FAM83E: variants seen among roughly 807,000 people sequenced by gnomAD.
FAM83E encodes protein FAM83E.
A neutral mutation model predicts 34.3 loss-of-function variants in FAM83E; 29 were observed. That is an observed-to-expected ratio of 0.85 (90% CI 0.63 to 1.15). The LOEUF (loss-of-function observed/expected upper bound fraction) is 1.15, where lower values mean the gene tolerates loss of function less well. Ranked by LOEUF, FAM83E falls within the 50% of genes most tolerant of loss-of-function variation. The probability of loss-of-function intolerance (pLI) is 0.00; values close to 1 mark genes in which losing one functional copy is unlikely to be tolerated. For missense variants in FAM83E, 697 were observed against 685.0 expected (o/e 1.02, Z -0.20); for synonymous variants, 312 against 311.6 (o/e 1.00, Z -0.01).
intron 5 of FAM83E, chr19:48,606,832 C>T (rs1973937561): frequency 2.1e-6 from 2 of 973,450 alleles, no homozygotes; most frequent in Non-Finnish European, 3.0e-6. Context: ...GAACAGAGGA[C>T]ACTCCAGGCG....
intron 5 of FAM83E, among the ~76,000 whole-genome samples, chr19:48,605,742 G>T (rs1362700299): frequency 6.6e-6 from 1 of 151,838 alleles, no homozygotes; most frequent in Non-Finnish European, 1.5e-5. Flanking sequence ...GTAGAGATGG[G>T]GTTTTACCAC....
At position 48,615,045 on chromosome 19, in the gene FAM83E, T is replaced by G. The variant is rs1233740721; in HGVS notation, c.-1496A>C. 6.6e-6 allele frequency among the ~76,000 whole-genome samples: 1 copy of G among 152,070 alleles called. No individual in the cohort carries two copies. The highest frequency in any genetic ancestry group is 1.5e-5 in the Non-Finnish European group (1 of 67,994). ...GGCAGTCTCTCCCTCCCCACAGCCC[T>G]GCCAGCCTGCACCCTGCACTTCCCG... On this transcript the variant is annotated 5_prime_UTR_variant, in exon 1 of 7. Coordinates refer to ENST00000263266, the MANE Select transcript of FAM83E (RefSeq NM_017708.4).
chr19:48,602,352 G>A (rs1212569642), intron 6 of FAM83E, among the ~76,000 whole-genome samples: 1 of 151,132 alleles, frequency 6.6e-6, no homozygotes, highest in African/African-American at 2.4e-5. Flanking sequence ...GAGGGATGCA[G>A]AGGAGGAAGC....
intron 5 of FAM83E, chr19:48,607,058 A>G: frequency 6.2e-7 from 1 of 1,612,958 alleles, no homozygotes; most frequent in Non-Finnish European, 8.5e-7. Context: ...GTCTTCTGTG[A>G]GCTCACCGAC....
At chr19:48,607,390 G>C (rs953098021) in intron 5 of FAM83E, 1 of 1,534,912 alleles carries the variant, frequency 6.5e-7, no homozygotes, top group Admixed American at 1.9e-5. Flanking sequence ...TGTTCTCCCA[G>C]ATCCGCCACT....
chr19:48,602,703 AAATATATATAT>A (rs1467571080), intron 6 of FAM83E, among the ~76,000 whole-genome samples: 2 of 44,842 alleles, frequency 4.5e-5, no homozygotes, highest in African/African-American at 1.2e-4. Context: ...AAAAAAAAAA[AAATATATATAT>A]ATATATATAT....
chr19:48,612,046 G>C (rs1275921444), intron 3 of FAM83E, among the ~76,000 whole-genome samples: 1 of 152,194 alleles, frequency 6.6e-6, no homozygotes, highest in African/African-American at 2.4e-5. Flanking sequence ...CAGCCAGACA[G>C]CCTGGGTTCA....
chr19:48,613,182 A>T lies in FAM83E; in HGVS notation c.191T>A (p.Val64Asp). 6.2e-7 allele frequency: 1 copy of T among 1,611,728 alleles called. No individual in the cohort carries two copies. The highest frequency in any genetic ancestry group is 8.5e-7 in the Non-Finnish European group (1 of 1,179,910). Residue 64 changes from valine (V) to aspartate (D), a missense_variant, in exon 3 of 7, where the codon GTT (valine) becomes GAT (aspartate). Physicochemically the swap from Val to Asp is radical, Grantham distance 152 (BLOSUM62 -3). Transcript: ENST00000263266. ...TTCAGCTGCCGCTGCCAAGCCCTGA[A>T]CCTCATCCGCACTGAGGAAGGGCCA... Reference protein sequence around the residue: ...ELWPFLSADEVQGLAAAAEDW... With the variant: ...ELWPFLSADEDQGLAAAAEDW...
At position 48,603,732 on chromosome 19, in the gene FAM83E, C is replaced by T. The variant is rs748372083; in HGVS notation, c.938G>A (p.Arg313His). ...GGLQRGRSPH[R>H]VSRRRSVAPA... is the part of the protein sequence containing the mutation. ...GGCCACGGAGCGGCGGCGGGACACG[C>T]GGTGCGGGCTGCGGCCCCGCTGCAG... The change falls in exon 6 of 7, where the codon CGC (arginine) becomes CAC (histidine). Residue 313 changes from arginine (R) to histidine (H), a missense_variant. Coordinates refer to ENST00000263266, the MANE Select transcript of FAM83E (RefSeq NM_017708.4). 34 of 1,490,100 alleles carry T rather than the reference C, an allele frequency of 2.3e-5. No individual in the cohort carries two copies. Among genetic ancestry groups the T allele is most frequent in the African/African-American group, 3.0e-5 (2 of 67,534 alleles). The allele number at this position is 1,490,100 out of a possible 1,614,324, so 92.3% of individuals were successfully genotyped here.
At chr19:48,601,422 G>A (rs1973813747) in intron 6 of FAM83E, 53 bp from the exon 7 acceptor site, 1 of 1,539,724 alleles carries the variant, frequency 6.5e-7, no homozygotes, top group Non-Finnish European at 8.8e-7. Flanking sequence ...GGCCCTGGGG[G>A]CATCCCAGAT....
rs1973794277 is a variant in FAM83E, at chr19:48,600,651, T to C, written c.*458A>G. 7.7e-6 allele frequency among the ~76,000 whole-genome samples: 1 copy of C among 130,046 alleles called. No individual in the cohort carries two copies. The highest frequency in any genetic ancestry group is 1.6e-5 in the Non-Finnish European group (1 of 62,024). 85.3% of individuals were successfully genotyped at this position (130,046 alleles called of 152,430 possible). ...GATCAGCCTTTCTTTTTCTTTTTTC[T>C]TTTTTTTTTTTTTTTAAAGAGATGG... On this transcript the variant is annotated 3_prime_UTR_variant, in exon 7 of 7. Transcript: ENST00000263266.
At chr19:48,602,903 G>A (rs900938871) in intron 6 of FAM83E, among the ~76,000 whole-genome samples, 9 of 147,162 alleles carry the variant, frequency 6.1e-5, no homozygotes, top group African/African-American at 2.3e-4. Flanking sequence ...CCAGGCTAGA[G>A]TGCAGTGGAA....
At chr19:48,604,043 G>T in intron 5 of FAM83E, 132 bp from the exon 6 acceptor site, 2 of 880,318 alleles carry the variant, frequency 2.3e-6, no homozygotes, top group Non-Finnish European at 3.4e-6. Context: ...CAGCTTCCCT[G>T]TCTGTAGAAT....
chr19:48,604,045 C>G, intron 5 of FAM83E, 134 bp from the exon 6 acceptor site: 1 of 858,334 alleles, frequency 1.2e-6, no homozygotes, highest in Non-Finnish European at 1.7e-6. Flanking sequence ...GCTTCCCTGT[C>G]TGTAGAATGG....
chr19:48,613,020 A>G lies in FAM83E; in HGVS notation c.353T>C (p.Val118Ala). The G allele has an allele frequency of 3.1e-6, 5 of 1,603,560 alleles. No homozygotes were observed. Among genetic ancestry groups the G allele is most frequent in the Non-Finnish European group, 4.3e-6 (5 of 1,176,248 alleles). Residue 118 changes from valine to alanine, a missense_variant, in exon 3 of 7, where the codon GTG becomes GCG. Physicochemically the swap from Val to Ala is moderately conservative, Grantham distance 64 (BLOSUM62 0). Transcript: ENST00000263266. ...PAPVLRLGWP[V>A]DSAWKGITRA... Reference sequence around the variant, plus strand: ...GGTGATGCCTTTCCACGCAGAGTCCACTGGCCAGCCCAGCCGCAGGACGGG... The same window carrying G: ...GGTGATGCCTTTCCACGCAGAGTCCGCTGGCCAGCCCAGCCGCAGGACGGG...
At position 48,601,241 on chromosome 19, in the gene FAM83E, G is replaced by A. The variant is rs770618307; in HGVS notation, c.1305C>T (p.Pro435=). ...PPWGGALPLP[P]AHRLRYLSPA... is the part of the protein sequence containing the mutation. ...GGGACAGATAGCGGAGGCGGTGGGC[G>A]GGGGGCAGGGGCAGGGCACCGCCCC... Residue 435 remains proline, a synonymous_variant, in exon 7 of 7, where the codon CCC becomes CCT. Transcript: ENST00000263266. 69 of 1,604,426 alleles carry A rather than the reference G, an allele frequency of 4.3e-5. No individual in the cohort carries two copies. The highest frequency in any genetic ancestry group is 5.0e-5 in the Non-Finnish European group (59 of 1,174,908).
At chr19:48,605,580 T>G (rs1375599933) in intron 5 of FAM83E, among the ~76,000 whole-genome samples, 1 of 151,628 alleles carries the variant, frequency 6.6e-6, no homozygotes, top group Non-Finnish European at 1.5e-5. Flanking sequence ...ATTTTTTTTT[T>G]TTTTTGAGAT....
Position 48,600,494 on chromosome 19 carries a change from C to T in FAM83E, c.*615G>A, listed in dbSNP as rs1307480833. Among the ~76,000 whole-genome samples, 2 of 152,094 alleles carry T rather than the reference C, an allele frequency of 1.3e-5. No individual in the cohort carries two copies. Among genetic ancestry groups the T allele is most frequent in the Non-Finnish European group, 2.9e-5 (2 of 68,020 alleles). On this transcript the variant is annotated 3_prime_UTR_variant, in exon 7 of 7. Coordinates refer to ENST00000263266, the MANE Select transcript of FAM83E (RefSeq NM_017708.4). ...GGGATTACAGGCGCCCGCCACCACA[C>T]CTGGCTAATTTTTGTATTTGGTAGA...
Position 48,613,037 on chromosome 19 carries a change from C to G in FAM83E, c.336G>C (p.Leu112=). The change falls in exon 3 of 7, where the codon CTG becomes CTC. Residue 112 remains leucine, a synonymous_variant. Coordinates refer to ENST00000263266, the MANE Select transcript of FAM83E (RefSeq NM_017708.4). The part of the protein sequence containing the change: ...PGQSEQPAPV[L]RLGWPVDSAW... ...CAGAGTCCACTGGCCAGCCCAGCCG[C>G]AGGACGGGCGCCGGCTGCTCCGACT... The G allele has an allele frequency of 6.2e-7, 1 of 1,603,002 alleles. No homozygotes were observed. Among genetic ancestry groups the G allele is most frequent in the East Asian group, 2.3e-5 (1 of 44,340 alleles).
Sources: allele counts gnomAD v4.1 joint callset (sites outside exome capture counted in the v4.1 genomes callset), GRCh38; gene constraint gnomAD v4.1.1; transcripts MANE v1.5; gene names NCBI Gene and HGNC (gene_info 2026-07-23, HGNC 2026-07-21).